Variants in ELP5 observed in about 807,000 individuals in gnomAD.
The protein encoded by ELP5 is elongator acetyltransferase complex subunit 5, also known as elongator complex protein 5.
ELP5 carries 34 observed loss-of-function variants against 33.4 expected under a neutral mutation model. The observed-to-expected ratio is 1.02, with a 90% CI of 0.78 to 1.36. ELP5 has a LOEUF of 1.36. Among genes scored for constraint, ELP5 ranks in the 40% most tolerant of loss-of-function variants. ELP5 has a pLI of 0.00. For synonymous variants in ELP5, 161 were observed against 146.4 expected, an observed-to-expected ratio of 1.10 and a Z score of -0.72; for missense variants, 373 against 371.7, an observed-to-expected ratio of 1.00 and a Z score of -0.03.
At position 7,256,922 on chromosome 17, in the gene ELP5, G is replaced by C; in HGVS notation, c.475G>C (p.Gly159Arg). Reference sequence around the variant, plus strand: ...GCTACATGAAGAGCTTCATGGACCAGGCCCTGTGGGAGCTCTCAGCAGCCT... The same window carrying C: ...GCTACATGAAGAGCTTCATGGACCACGCCCTGTGGGAGCTCTCAGCAGCCT... The part of the protein sequence containing the change: ...GLLHEELHGP[G>R]PVGALSSLAQ... The change falls in exon 5 of 8, where the codon GGC becomes CGC. Residue 159 changes from glycine (G) to arginine (R), a missense_variant. Gly to Arg is a moderately radical substitution (Grantham distance 125). Transcript: ENST00000396628. 6.2e-7 allele frequency: 1 copy of C among 1,614,148 alleles called. No homozygotes were observed. The highest frequency in any genetic ancestry group is 8.5e-7 in the Non-Finnish European group (1 of 1,180,032).
At chr17:7,255,106 CTG>C (rs2072046321) in intron 4 of ELP5, among the ~76,000 whole-genome samples, 1 of 151,934 alleles carries the variant, frequency 6.6e-6, no homozygotes, top group South Asian at 2.1e-4. Context: ...TACAGACTGA[CTG>C]TAGCTGGGTC....
Position 7,254,449 on chromosome 17 carries a change from C to G in ELP5, c.189-134C>G, listed in dbSNP as rs111507663. On this transcript the variant is annotated intron_variant, in intron 3 of 7. Coordinates refer to ENST00000396628, the MANE Select transcript of ELP5 (RefSeq NM_203414.3). ...CTCTCAATCACTGTATGCTCTCTCT[C>G]AGTAATTATCTTTCACTAATATTTA... 4.5e-6 allele frequency: 3 copies of G among 672,780 alleles called. No individual in the cohort carries two copies. The African/African-American group carries it at 5.5e-5, about 12-fold the overall frequency. The allele number at this position is 672,780 out of a possible 1,614,324, so 41.7% of individuals were successfully genotyped here. A position where few individuals can be genotyped will look rare whatever the true frequency, so the allele number is the denominator to read the frequency against.
intron 5 of ELP5, among the ~76,000 whole-genome samples, chr17:7,258,191 G>A (rs566087648): frequency 1.3e-5 from 2 of 152,018 alleles, no homozygotes; most frequent in East Asian, 3.9e-4. Context: ...GCTTACACCT[G>A]TAATCCCAGC....
chr17:7,259,360 CGG>C, intron 7 of ELP5: 1 of 1,402,744 alleles, frequency 7.1e-7, no homozygotes, highest in Non-Finnish European at 9.2e-7. Flanking sequence ...TAGGAACTTA[CGG>C]TTTTATTAGG....
chr17:7,259,488 ATG>A, intron 7 of ELP5, 81 bp from the exon 8 acceptor site: 1 of 1,586,004 alleles, frequency 6.3e-7, no homozygotes, highest in South Asian at 1.1e-5. Flanking sequence ...GGTTGCCTGA[ATG>A]AGAGTCACAG....
intron 3 of ELP5, among the ~76,000 whole-genome samples, chr17:7,253,641 C>T (rs930071912): frequency 2.6e-5 from 4 of 152,170 alleles, no homozygotes; most frequent in Non-Finnish European, 5.9e-5. Context: ...TACATCTTAT[C>T]TGTTGAGCCT....
At position 7,252,323 on chromosome 17, in the gene ELP5, A is replaced by G; in HGVS notation, c.-228A>G. On this transcript the variant is annotated 5_prime_UTR_variant, in exon 1 of 8. Transcript: ENST00000396628. ...CGCCCCGGTCACAGTGAAAATGTAG[A>G]CGGGGTCGTTGTCCGTACGACTGTG... 1 of 627,818 alleles carries G rather than the reference A, an allele frequency of 1.6e-6. No individual in the cohort carries two copies. Among genetic ancestry groups the G allele is most frequent in the Non-Finnish European group, 2.8e-6 (1 of 352,728 alleles). The allele number at this position is 627,818 out of a possible 1,614,324, so 38.9% of individuals were successfully genotyped here.
chr17:7,253,895 G>A (rs904836933), intron 3 of ELP5, among the ~76,000 whole-genome samples: 1 of 152,008 alleles, frequency 6.6e-6, no homozygotes. Flanking sequence ...TACTCAGGAG[G>A]CTGAGGCAGG....
At chr17:7,258,083 G>A (rs2072117914) in intron 5 of ELP5, among the ~76,000 whole-genome samples, 1 of 151,194 alleles carries the variant, frequency 6.6e-6, no homozygotes, top group East Asian at 2.0e-4. Context: ...AGGAGTAAGT[G>A]GGCTGCTCTG....
At chr17:7,254,934 TG>T in intron 4 of ELP5, 131 bp downstream of exon 4, 1 of 683,072 alleles carries the variant, frequency 1.5e-6, no homozygotes, top group Non-Finnish European at 2.2e-6. Context: ...TTGACTTTTT[TG>T]TCTGTTTTTT....
In ELP5 at chr17:7,252,711, G is replaced by A. The variant is rs994352662; in HGVS notation, c.47-59G>A. ...AGGCTAGGTGTGGAAATCGCGACGG[G>A]TTCGCGAAGGCGGTAATCCCAGCGC... On this transcript the variant is annotated intron_variant, in intron 1 of 7. Transcript: ENST00000396628. 4 of 1,612,142 alleles carry A rather than the reference G, an allele frequency of 2.5e-6. No homozygotes were observed. The African/African-American group carries it at 4.0e-5, about 16-fold the overall frequency.
At chr17:7,255,922 G>A (rs2072065184) in intron 4 of ELP5, among the ~76,000 whole-genome samples, 1 of 152,012 alleles carries the variant, frequency 6.6e-6, no homozygotes, top group African/African-American at 2.4e-5. Flanking sequence ...TGGGTGTGGT[G>A]GTGCACGCCT....
intron 5 of ELP5, 77 bp downstream of exon 5, chr17:7,257,115 T>C: frequency 7.1e-7 from 1 of 1,416,686 alleles, no homozygotes; most frequent in Non-Finnish European, 9.3e-7. Flanking sequence ...ACAATGAAAA[T>C]GCTGATGTTT....
Position 7,258,679 on chromosome 17 carries a change from C to T in ELP5, c.683C>T (p.Pro228Leu), listed in dbSNP as rs2072136685. The change falls in exon 6 of 8, where the codon CCC becomes CTC. Residue 228 changes from proline to leucine, a missense_variant. Pro to Leu is a moderately conservative substitution (Grantham distance 98). Coordinates refer to ENST00000396628, the MANE Select transcript of ELP5 (RefSeq NM_203414.3). ...CAGCCCTACTCCGATCCTCATATAC[C>T]CCCGGTATCTAAGAATGCCAAGGCC... is the stretch of plus-strand genomic sequence containing the variant. Reference protein sequence around the residue: ...ESQPYSDPHIPPVDPTTHLTF... With the variant: ...ESQPYSDPHILPVDPTTHLTF... 2 of 1,614,072 alleles carry T rather than the reference C, an allele frequency of 1.2e-6. No individual in the cohort carries two copies. Among genetic ancestry groups the T allele is most frequent in the African/African-American group, 1.3e-5 (1 of 75,004 alleles).
chr17:7,257,289 T>A (rs1302503310), intron 5 of ELP5, among the ~76,000 whole-genome samples: 1 of 152,032 alleles, frequency 6.6e-6, no homozygotes, highest in Non-Finnish European at 1.5e-5. Context: ...GACCTTTTTT[T>A]AAAAAAAGCT....
intron 7 of ELP5, chr17:7,259,300 A>G (rs2072156919): frequency 1.4e-6 from 2 of 1,385,088 alleles, no homozygotes; most frequent in East Asian, 2.7e-5. Context: ...TTCTGTGCCC[A>G]GTATGTGGGC....
chr17:7,251,985 C>T (rs775593806), upstream of ELP5: 5 of 180,172 alleles, frequency 2.8e-5, no homozygotes, highest in Non-Finnish European at 6.0e-5. Flanking sequence ...ACTCCCTCTT[C>T]CTGTCTTTCC....
intron 3 of ELP5, among the ~76,000 whole-genome samples, 156 bp downstream of exon 3, chr17:7,253,154 G>A (rs1458815080): frequency 1.3e-5 from 2 of 152,226 alleles, no homozygotes; most frequent in Non-Finnish European, 2.9e-5. Context: ...GAATTAATAA[G>A]AGGAGTGATG....
chr17:7,255,021 C>T, intron 4 of ELP5: 1 of 569,878 alleles, frequency 1.8e-6, no homozygotes, highest in Non-Finnish European at 3.1e-6. Flanking sequence ...TCATTTGTTT[C>T]ACTCATTCAT....
Sources: allele counts gnomAD v4.1 joint callset (sites outside exome capture counted in the v4.1 genomes callset), GRCh38; gene constraint gnomAD v4.1.1; transcripts MANE v1.5; gene names NCBI Gene and HGNC (gene_info 2026-07-23, HGNC 2026-07-21).